The following LOXHD1 variants were observed in gnomAD, a reference collection of about 807,000 sequenced individuals.
LOXHD1 encodes lipoxygenase homology domain-containing protein 1.
LOXHD1 carries 205 observed loss-of-function variants against 248.2 expected under a neutral mutation model. The ratio of observed to expected loss-of-function variants is 0.83; its 90% CI spans 0.74 to 0.93. The LOEUF (loss-of-function observed/expected upper bound fraction) is 0.93. Among genes scored for constraint, LOXHD1 ranks in the 40% least tolerant of loss-of-function variants. LOXHD1 has a pLI of 0.00. For missense variants in LOXHD1, 2,930 were observed against 2,971.6 expected, an observed-to-expected ratio of 0.99 and a Z score of 0.33; for synonymous variants, 1,113 against 1,162.8, an observed-to-expected ratio of 0.96 and a Z score of 0.87.
chr18:46,545,335 C>A lies in LOXHD1; in HGVS notation c.3601G>T (p.Gly1201Cys). Reference sequence around the variant, plus strand: ...TTCTTACCAGTGTCATCCTGTGTGCCAAAGAGTGTGATGAAGACATTAGCA... The same window carrying A: ...TTCTTACCAGTGTCATCCTGTGTGCAAAAGAGTGTGATGAAGACATTAGCA... Reference protein sequence around the residue: ...TDANVFITLFGTQDDTGMTLL... With the variant: ...TDANVFITLFCTQDDTGMTLL... Residue 1201 changes from glycine to cysteine, a missense_variant, in exon 23 of 41, where the codon GGC (glycine) becomes TGC (cysteine). Gly to Cys is a radical substitution (Grantham distance 159). Coordinates refer to ENST00000642948, the MANE Select transcript of LOXHD1 (RefSeq NM_001384474.1). 6.4e-7 allele frequency: 1 copy of A among 1,551,596 alleles called. No homozygotes were observed. Among genetic ancestry groups the A allele is most frequent in the Non-Finnish European group, 8.7e-7 (1 of 1,146,854 alleles).
chr18:46,619,683 T>A (rs562008069), intron 4 of LOXHD1, among the ~76,000 whole-genome samples: 27 of 152,288 alleles, frequency 1.8e-4, no homozygotes, highest in African/African-American at 6.5e-4. Context: ...CTTAATTTCA[T>A]CCCTTCTAGA....
intron 8 of LOXHD1, among the ~76,000 whole-genome samples, chr18:46,598,591 C>A (rs1481470557): frequency 2.6e-5 from 4 of 151,414 alleles, no homozygotes; most frequent in African/African-American, 9.7e-5. Context: ...TCAGAATTAA[C>A]AATAGAGTTT....
intron 16 of LOXHD1, among the ~76,000 whole-genome samples, chr18:46,567,079 T>A (rs1040253071): frequency 3.9e-5 from 6 of 152,230 alleles, no homozygotes; most frequent in Admixed American, 6.5e-5. Flanking sequence ...TTTGCCCCCA[T>A]GGGCAACATA....
chr18:46,612,412 T>G (rs775757803), intron 5 of LOXHD1, among the ~76,000 whole-genome samples: 3 of 152,200 alleles, frequency 2.0e-5, no homozygotes, highest in Admixed American at 1.3e-4. Context: ...TTTTATTCAG[T>G]GTGTACCCAA....
At chr18:46,647,642 TAAGCGGTACAAG>T (rs1007336735) in intron 2 of LOXHD1, among the ~76,000 whole-genome samples, 5 of 152,168 alleles carry the variant, frequency 3.3e-5, no homozygotes, top group African/African-American at 9.7e-5. Flanking sequence ...AACTGCAGTG[TAAGCGGTACAAG>T]AAGGCAGGTA....
rs1285465654 is a variant in LOXHD1, at chr18:46,559,002, T to A, written c.3216+446A>T. 91 of 552,664 alleles carry A rather than the reference T, an allele frequency of 1.6e-4. 2 individuals carry two copies. Among genetic ancestry groups the A allele is most frequent in the South Asian group, 1.4e-3 (81 of 59,770 alleles). The allele number at this position is 552,664 out of a possible 1,614,324, so 34.2% of individuals were successfully genotyped here. A position where few individuals can be genotyped will look rare whatever the true frequency, so the allele number is the denominator to read the frequency against. On this transcript the variant is annotated intron_variant, in intron 20 of 40. Transcript: ENST00000642948. ...GGCCTCCCCCATTTCCACCTCCATA[T>A]CTTTGCTCATGTGGTTCCATCTTCT...
At position 46,563,084 on chromosome 18, in the gene LOXHD1, G is replaced by T; in HGVS notation, c.2579C>A (p.Ala860Glu). Residue 860 changes from alanine (A) to glutamate (E), a missense_variant, in exon 18 of 41, where the codon GCG becomes GAG. Physicochemically the swap from Ala to Glu is moderately radical, Grantham distance 107. Transcript: ENST00000642948. The part of the protein sequence containing the change: ...LSSRSKVFER[A>E]SKDTFQLEAA... The stretch of plus-strand genomic sequence containing the variant: ...ACATACCTGGAATGTGTCCTTGGAC[G>T]CCCGTTCAAAAACTTTTGAGCGGCT... 1 of 1,543,546 alleles carries T rather than the reference G, an allele frequency of 6.5e-7. No homozygotes were observed. The highest frequency in any genetic ancestry group is 8.8e-7 in the Non-Finnish European group (1 of 1,140,244).
At chr18:46,592,665 GGT>G in intron 10 of LOXHD1, 81 bp from the exon 11 acceptor site, 1 of 1,214,336 alleles carries the variant, frequency 8.2e-7, no homozygotes, top group Admixed American at 2.0e-5. Flanking sequence ...CTCTCAGGAG[GGT>G]ACCTGCTTTG....
At position 46,614,114 on chromosome 18, in the gene LOXHD1, G is replaced by T. The variant is rs143563014; in HGVS notation, c.611-3190C>A. On this transcript the variant is annotated intron_variant, in intron 5 of 40. Transcript: ENST00000642948. ...GGAGAAATAGGAACACTTTTACACT[G>T]TTGGTGGGACTGCAAACTAGTTCAA... Among the ~76,000 whole-genome samples, 712 of 152,314 alleles carry T rather than the reference G, an allele frequency of 4.7e-3. 1 individual carries two copies. Among genetic ancestry groups the T allele is most frequent in the Non-Finnish European group, 7.0e-3 (479 of 68,016 alleles).
chr18:46,603,255 TAGAG>T (rs1271269172), intron 7 of LOXHD1, among the ~76,000 whole-genome samples: 3 of 150,608 alleles, frequency 2.0e-5, no homozygotes, highest in African/African-American at 4.9e-5. Context: ...GTTCCGAGGA[TAGAG>T]AGAGAGAAAG....
intron 21 of LOXHD1, among the ~76,000 whole-genome samples, chr18:46,553,099 G>A (rs949922764): frequency 6.6e-6 from 1 of 152,280 alleles, no homozygotes; most frequent in African/African-American, 2.4e-5. Flanking sequence ...AGTCACCTGT[G>A]TTTTATCTCC....
intron 39 of LOXHD1, among the ~76,000 whole-genome samples, chr18:46,484,336 A>G (rs2032855034): frequency 6.6e-6 from 1 of 152,048 alleles, no homozygotes; most frequent in South Asian, 2.1e-4. Flanking sequence ...GTGTGATGGT[A>G]TTTGGAGGTA....
At chr18:46,516,084 G>A (rs985204685) in intron 34 of LOXHD1, among the ~76,000 whole-genome samples, 1 of 152,190 alleles carries the variant, frequency 6.6e-6, no homozygotes, top group African/African-American at 2.4e-5. Context: ...GTCTCTTGTT[G>A]TAGCAAGCTC....
intron 33 of LOXHD1, 145 bp downstream of exon 33, chr18:46,520,952 A>G (rs1364204545): frequency 2.1e-6 from 2 of 972,894 alleles, no homozygotes; most frequent in Admixed American, 5.3e-5. Context: ...AGCAAAGTAC[A>G]TCTGGCTAGC....
chr18:46,511,668 G>A (rs2034970260), intron 34 of LOXHD1, among the ~76,000 whole-genome samples: 1 of 152,214 alleles, frequency 6.6e-6, no homozygotes, highest in Admixed American at 6.5e-5. Flanking sequence ...ACAAAGCCCG[G>A]GAAGGGTTAT....
chr18:46,489,694 C>T (rs2033327001), intron 37 of LOXHD1, among the ~76,000 whole-genome samples: 1 of 152,156 alleles, frequency 6.6e-6, no homozygotes, highest in Non-Finnish European at 1.5e-5. Context: ...TCCTATAGCC[C>T]CCTGCATCTG....
intron 4 of LOXHD1, among the ~76,000 whole-genome samples, chr18:46,635,684 T>C (rs1401263029): frequency 6.6e-6 from 1 of 152,230 alleles, no homozygotes; most frequent in East Asian, 1.9e-4. Flanking sequence ...TAATATCTAC[T>C]AGTGTATGCC....
At chr18:46,595,938 C>G (rs1458585553) in intron 8 of LOXHD1, among the ~76,000 whole-genome samples, 1 of 152,058 alleles carries the variant, frequency 6.6e-6, no homozygotes, top group Non-Finnish European at 1.5e-5. Flanking sequence ...TTTTCTCACC[C>G]CATGGGTTCC....
intron 19 of LOXHD1, 35 bp downstream of exon 19, chr18:46,560,048 T>TCCCAGGCCCC: frequency 8.2e-7 from 1 of 1,226,298 alleles, no homozygotes; most frequent in Non-Finnish European, 1.1e-6. Flanking sequence ...GTCTGGCCAC[T>TCCCAGGCCCC]CCCTCCCCAC....
Sources: gnomAD v4.1 joint callset for allele counts (sites outside exome capture counted in the v4.1 genomes callset) on GRCh38, gnomAD v4.1.1 for gene constraint, MANE v1.5 for transcripts, NCBI Gene and HGNC (gene_info 2026-07-23, HGNC 2026-07-21) for gene names.